The following ARHGAP10 variants were observed in gnomAD, a reference collection of about 807,000 sequenced individuals.
The protein encoded by ARHGAP10 is rho GTPase-activating protein 10.
Under a neutral mutation model 108.6 loss-of-function variants are expected in ARHGAP10, and 87 were observed. The ratio of observed to expected loss-of-function variants is 0.80; its 90% CI spans 0.67 to 0.96. The LOEUF (loss-of-function observed/expected upper bound fraction) is 0.96, where lower values mean the gene tolerates loss of function less well. ARHGAP10 is among the 40% of genes least tolerant of loss of function. The pLI is 0.00. For synonymous variants in ARHGAP10, 347 were observed against 341.1 expected (o/e 1.02, Z -0.19); for missense variants, 939 against 954.5 (o/e 0.98, Z 0.21).
chr4:147,968,663 A>T (rs1229241779), intron 18 of ARHGAP10, among the ~76,000 whole-genome samples: 1 of 152,180 alleles, frequency 6.6e-6, no homozygotes, highest in Non-Finnish European at 1.5e-5. Flanking sequence ...TCTTTCAAGA[A>T]CTTTTAGATT....
intron 18 of ARHGAP10, among the ~76,000 whole-genome samples, chr4:147,986,087 C>G (rs374648105): frequency 6.6e-6 from 1 of 152,130 alleles, no homozygotes; most frequent in Non-Finnish European, 1.5e-5. Flanking sequence ...CTGAGGTATG[C>G]GGAAAGCCTC....
intron 14 of ARHGAP10, among the ~76,000 whole-genome samples, chr4:147,942,780 G>A (rs1232277925): frequency 6.6e-6 from 1 of 152,258 alleles, no homozygotes; most frequent in African/African-American, 2.4e-5. Flanking sequence ...GGTGATGAGA[G>A]GGTATTCTTA....
intron 20 of ARHGAP10, among the ~76,000 whole-genome samples, chr4:148,058,123 T>G (rs1482199163): frequency 6.6e-6 from 1 of 152,216 alleles, no homozygotes; most frequent in South Asian, 2.1e-4. Flanking sequence ...AATATACAGA[T>G]CTACAATATT....
chr4:147,765,693 G>A (rs1423694034), intron 1 of ARHGAP10, among the ~76,000 whole-genome samples: 1 of 152,130 alleles, frequency 6.6e-6, no homozygotes, highest in South Asian at 2.1e-4. Context: ...CGAGCTACTC[G>A]GGAGGCTGAG....
chr4:147,862,877 A>G (rs1472756020), intron 5 of ARHGAP10: 1 of 152,170 alleles, frequency 6.6e-6, no homozygotes, highest in Non-Finnish European at 1.5e-5. Context: ...TTGCTGGGAG[A>G]TGTGCCAACT....
chr4:147,759,759 T>C (rs1392827642), intron 1 of ARHGAP10, among the ~76,000 whole-genome samples: 2 of 152,158 alleles, frequency 1.3e-5, no homozygotes, highest in African/African-American at 4.8e-5. Context: ...ATTTGATTAA[T>C]TTATTTTGAG....
At chr4:147,740,864 G>A (rs569102136) in intron 1 of ARHGAP10, among the ~76,000 whole-genome samples, 46 of 152,140 alleles carry the variant, frequency 3.0e-4, no homozygotes, top group African/African-American at 9.6e-4. Context: ...CTTAATGAAA[G>A]CATCTTGTAT....
rs1352634381 is a variant in ARHGAP10 at position 147,784,719 on chromosome 4, A to AAAAT, written c.155-38007_155-38006insAATA. 2.2e-3 allele frequency among the ~76,000 whole-genome samples: 103 copies of AAAAT among 46,534 alleles called. 12 individuals carry two copies. Among genetic ancestry groups the AAAAT allele is most frequent in the African/African-American group, 4.3e-3 (69 of 15,976 alleles). The allele number at this position is 46,534 out of a possible 152,430, so 30.5% of individuals were successfully genotyped here. A position where few individuals can be genotyped will look rare whatever the true frequency, so the allele number is the denominator to read the frequency against. On this transcript the variant is annotated intron_variant, in intron 1 of 22. Transcript: ENST00000336498. The stretch of plus-strand genomic sequence containing the variant: ...ATTATAAAATATATATTATAAATAT[A>AAAAT]ATATATTATAAAATATATATTATAA...
Position 148,026,746 on chromosome 4 carries a change from A to G in ARHGAP10, c.1867+3333A>G, listed in dbSNP as rs149339690. 1.6e-3 allele frequency among the ~76,000 whole-genome samples: 247 copies of G among 152,316 alleles called. 7 individuals are homozygous for G. Among genetic ancestry groups the G allele is most frequent in the East Asian group, 0.012 (60 of 5,188 alleles). ...TTGCTCATTTTTCATATAACATTTA[A>G]TCTCAACATCAAAGCTGAGTAGATT... is the stretch of plus-strand genomic sequence containing the variant. On this transcript the variant is annotated intron_variant, in intron 19 of 22. Transcript: ENST00000336498.
chr4:148,029,023 TC>T (rs1457837729), intron 19 of ARHGAP10, among the ~76,000 whole-genome samples: 44 of 152,202 alleles, frequency 2.9e-4, no homozygotes, highest in African/African-American at 9.9e-4. Context: ...GTTAGTGTGT[TC>T]AATACGTATT....
intron 10 of ARHGAP10, among the ~76,000 whole-genome samples, chr4:147,891,193 A>G (rs879809139): frequency 6.6e-6 from 1 of 152,242 alleles, no homozygotes; most frequent in Admixed American, 6.5e-5. Context: ...TCATAGAAGC[A>G]TTATTTATAA....
intron 1 of ARHGAP10, among the ~76,000 whole-genome samples, chr4:147,812,368 T>G (rs1017804244): frequency 1.3e-5 from 2 of 152,150 alleles, no homozygotes; most frequent in Admixed American, 6.5e-5. Context: ...GTGCTGTGGA[T>G]GATGTTGATT....
intron 3 of ARHGAP10, among the ~76,000 whole-genome samples, chr4:147,827,963 G>A (rs553515984): frequency 4.1e-4 from 63 of 152,130 alleles, no homozygotes; most frequent in African/African-American, 1.4e-3. Flanking sequence ...GCGCCACCAC[G>A]CCCAGCTCAT....
At position 147,822,927 on chromosome 4, in the gene ARHGAP10, G is replaced by C; in HGVS notation, c.282G>C (p.Leu94Phe). ...DASLREFSNF[L>F]KNLEEQREIM... is the part of the protein sequence containing the mutation. ...CCTTACGTGAATTTTCAAATTTTTT[G>C]AAGAATCTGGAGGAACAGAGAGAAA... The change falls in exon 3 of 23, where the codon TTG becomes TTC. Residue 94 changes from leucine (L) to phenylalanine (F), a missense_variant. Leu to Phe is a conservative substitution (Grantham distance 22). Transcript: ENST00000336498. 1 of 1,613,920 alleles carries C rather than the reference G, an allele frequency of 6.2e-7. No homozygotes were observed. Among genetic ancestry groups the C allele is most frequent in the Non-Finnish European group, 8.5e-7 (1 of 1,179,838 alleles).
intron 16 of ARHGAP10, 40 bp downstream of exon 16, chr4:147,955,414 T>C (rs997696267): frequency 1.3e-6 from 2 of 1,558,200 alleles, no homozygotes; most frequent in Admixed American, 3.8e-5. Context: ...AGTTTTGTAG[T>C]TGGTAGTGAG....
chr4:147,784,942 A>G (rs1338349116), intron 1 of ARHGAP10, among the ~76,000 whole-genome samples: 2 of 130,800 alleles, frequency 1.5e-5, no homozygotes, highest in Non-Finnish European at 3.1e-5. Flanking sequence ...TATAAAATAT[A>G]AAACATGTTA....
In ARHGAP10 at chr4:147,847,142, G is replaced by A. The variant is rs1363324454; in HGVS notation, c.313-9G>A. ...GCTGTGCTCTTTTGTTATCACTCTT[G>A]TTCTCTAGGCATTAAGTGTAACTGA... On this transcript the variant is annotated splice_polypyrimidine_tract_variant and intron_variant, in intron 3 of 22. Coordinates refer to ENST00000336498, the MANE Select transcript of ARHGAP10 (RefSeq NM_024605.4). The A allele has an allele frequency of 6.2e-7, 1 of 1,609,158 alleles. No homozygotes were observed. Among genetic ancestry groups the A allele is most frequent in the African/African-American group, 1.3e-5 (1 of 74,772 alleles).
In ARHGAP10 at chr4:147,784,930, G is replaced by A. The variant is rs867267222; in HGVS notation, c.155-37797G>A. Among the ~76,000 whole-genome samples the A allele has an allele frequency of 8.2e-3, 937 of 114,512 alleles. 27 individuals are homozygous for A. Among genetic ancestry groups the A allele is most frequent in the African/African-American group, 0.031 (888 of 28,298 alleles). The allele number at this position is 114,512 out of a possible 152,430, so 75.1% of individuals were successfully genotyped here. ...AAATATAATATATTATAAAATATAT[G>A]TTATAAAATATAAAACATGTTATAA... On this transcript the variant is annotated intron_variant, in intron 1 of 22. Coordinates refer to ENST00000336498, the MANE Select transcript of ARHGAP10 (RefSeq NM_024605.4).
intron 19 of ARHGAP10, among the ~76,000 whole-genome samples, chr4:148,031,281 A>T (rs759372143): frequency 3.3e-5 from 5 of 152,224 alleles, no homozygotes; most frequent in Non-Finnish European, 5.9e-5. Flanking sequence ...CAGGAGTATG[A>T]TACAAAATTC....
Sources: allele counts gnomAD v4.1 joint callset (sites outside exome capture counted in the v4.1 genomes callset), GRCh38; gene constraint gnomAD v4.1.1; transcripts MANE v1.5; gene names NCBI Gene and HGNC (gene_info 2026-07-23, HGNC 2026-07-21).